FAM89A: variants seen among roughly 807,000 people sequenced by gnomAD.
The protein encoded by FAM89A is protein FAM89A.
FAM89A carries 10 observed loss-of-function variants against 7.1 expected under a neutral mutation model. The ratio of observed to expected loss-of-function variants is 1.40; its 90% confidence interval spans 0.86 to 2.38. The LOEUF is 2.38. Among genes scored for constraint, FAM89A ranks in the 30% most tolerant of loss-of-function variants. FAM89A has a pLI of 0.00. For synonymous variants in FAM89A, 157 were observed against 129.3 expected (o/e 1.21, Z -1.45); for missense variants, 276 against 262.8 (o/e 1.05, Z -0.35).
At chr1:231,020,765 T>C (rs565212219) in intron 1 of FAM89A, among the ~76,000 whole-genome samples, 22 of 152,262 alleles carry the variant, frequency 1.4e-4, no homozygotes, top group Admixed American at 6.5e-4. Flanking sequence ...CCCTGGAAGA[T>C]GAAGGGCTCT....
At chr1:231,029,437 C>T (rs185009829) in intron 1 of FAM89A, among the ~76,000 whole-genome samples, 224 of 151,850 alleles carry the variant, frequency 1.5e-3, no homozygotes, top group African/African-American at 5.2e-3. Context: ...GGCTGCAGTG[C>T]GCTGTGATCG....
chr1:231,032,584 T>G (rs115401964), intron 1 of FAM89A, among the ~76,000 whole-genome samples: 1,977 of 151,596 alleles, frequency 0.013, 24 homozygotes, highest in African/African-American at 0.036. Flanking sequence ...ATTTGGATAT[T>G]TTATATCCAA....
In FAM89A at chr1:231,022,157, A is replaced by T; in HGVS notation, c.292-2031T>A. On this transcript the variant is annotated intron_variant, in intron 1 of 1. Coordinates refer to ENST00000366654, the MANE Select transcript of FAM89A (RefSeq NM_198552.3). ...AACTTGTAGGAAAAAGATCAACCAC[A>T]AACAGTACCACTCCATTCATATATG... 10 of 1,105,570 alleles carry T rather than the reference A, an allele frequency of 9.0e-6. No homozygotes were observed. The South Asian group carries it at 1.2e-4, about 14-fold the overall frequency. 68.5% of individuals were successfully genotyped at this position (1,105,570 alleles called of 1,614,324 possible). A position where few individuals can be genotyped will look rare whatever the true frequency, so the allele number is the denominator to read the frequency against.
chr1:231,023,082 C>G (rs115431236), intron 1 of FAM89A, among the ~76,000 whole-genome samples: 8,292 of 152,248 alleles, frequency 0.054, 258 homozygotes, highest in Middle Eastern at 0.1. Flanking sequence ...ATCTGCCCCC[C>G]GTGTAGATAC....
intron 1 of FAM89A, among the ~76,000 whole-genome samples, chr1:231,025,270 A>C (rs1423766168): frequency 6.6e-6 from 1 of 152,028 alleles, no homozygotes; most frequent in Non-Finnish European, 1.5e-5. Flanking sequence ...TTAGGAAGAG[A>C]CCTCAGCTGC....
At chr1:231,032,608 T>C (rs1199723207) in intron 1 of FAM89A, among the ~76,000 whole-genome samples, 1 of 127,834 alleles carries the variant, frequency 7.8e-6, no homozygotes, top group Non-Finnish European at 1.8e-5. Flanking sequence ...TAATTGCAAT[T>C]GAGAGTCCCA....
At chr1:231,038,442 G>A (rs915037337) in intron 1 of FAM89A, among the ~76,000 whole-genome samples, 1 of 152,200 alleles carries the variant, frequency 6.6e-6, no homozygotes, top group African/African-American at 2.4e-5. Flanking sequence ...GCTCAAGTAT[G>A]GAATTTAAAT....
At chr1:231,020,209 C>A (rs979582165) in intron 1 of FAM89A, 83 bp from the exon 2 acceptor site, 1 of 1,366,366 alleles carries the variant, frequency 7.3e-7, no homozygotes, top group Non-Finnish European at 9.8e-7. Context: ...CGGCGATCTG[C>A]GCCTGCCAGC....
chr1:231,037,196 A>G (rs897223866), intron 1 of FAM89A, among the ~76,000 whole-genome samples: 2 of 152,196 alleles, frequency 1.3e-5, no homozygotes, highest in Admixed American at 1.3e-4. Context: ...TCAGCATCCA[A>G]TTCTTTAATA....
Position 231,019,917 on chromosome 1 carries a change from C to G in FAM89A, c.501G>C (p.Leu167Phe). 6.2e-7 allele frequency: 1 copy of G among 1,614,210 alleles called. No homozygotes were observed. The highest frequency in any genetic ancestry group is 8.5e-7 in the Non-Finnish European group (1 of 1,180,046). The stretch of plus-strand genomic sequence containing the variant: ...TGGAGAGGGAGGAGACAGGCAGTGA[C>G]AAGTCCCGAGGAGGGCCTCGGTCCC... ...DRRDRGPPRD[L>F]SLPVSSLSSS... Residue 167 changes from leucine to phenylalanine, a missense_variant, in exon 2 of 2, where the codon TTG becomes TTC. By Grantham distance (22) the Leu-to-Phe change is conservative. Coordinates refer to ENST00000366654, the MANE Select transcript of FAM89A (RefSeq NM_198552.3).
At chr1:231,027,166 C>T (rs879653116) in intron 1 of FAM89A, among the ~76,000 whole-genome samples, 21 of 152,128 alleles carry the variant, frequency 1.4e-4, no homozygotes, top group South Asian at 4.1e-4. Context: ...CAGCCAGACA[C>T]GTGGCTCCAG....
rs1376630941 is a variant in FAM89A, at chr1:231,040,053, C to G, written c.159G>C (p.Leu53=). The part of the protein sequence containing the change: ...ASGGWRHLER[L]YAQKSRIQDE... ...CCTGGATGCGCGACTTCTGCGCGTA[C>G]AGCCGCTCCAGGTGCCGCCAGCCCC... Residue 53 remains leucine, a synonymous_variant, in exon 1 of 2, where the codon CTG becomes CTC. Transcript: ENST00000366654. The G allele has an allele frequency of 1.5e-5, 21 of 1,447,610 alleles. No homozygotes were observed. Among genetic ancestry groups the G allele is most frequent in the Non-Finnish European group, 1.9e-5 (21 of 1,102,970 alleles). 89.7% of individuals were successfully genotyped at this position (1,447,610 alleles called of 1,614,324 possible). A position where few individuals can be genotyped will look rare whatever the true frequency, so the allele number is the denominator to read the frequency against.
intron 1 of FAM89A, chr1:231,021,980 C>T: frequency 2.2e-6 from 3 of 1,333,954 alleles, no homozygotes; most frequent in Non-Finnish European, 2.2e-6. Flanking sequence ...CGCTATAGGC[C>T]TCAGGCCCTC....
At chr1:231,020,920 A>G (rs1679865124) in intron 1 of FAM89A, among the ~76,000 whole-genome samples, 1 of 152,240 alleles carries the variant, frequency 6.6e-6, no homozygotes, top group South Asian at 2.1e-4. Flanking sequence ...CAGTCAGAAC[A>G]GGAAATGCAT....
chr1:231,023,903 T>C (rs1018606334), intron 1 of FAM89A, among the ~76,000 whole-genome samples: 1 of 152,220 alleles, frequency 6.6e-6, no homozygotes, highest in African/African-American at 2.4e-5. Context: ...TAAAATATGG[T>C]AACACCCATT....
intron 1 of FAM89A, among the ~76,000 whole-genome samples, chr1:231,031,826 C>T (rs1232665862): frequency 1.3e-5 from 2 of 151,884 alleles, no homozygotes; most frequent in African/African-American, 2.4e-5. Flanking sequence ...AACAATTGTA[C>T]AGTATTCTAT....
rs907947135 is a variant in FAM89A, at chr1:231,040,200, G to T, written c.12C>A (p.Ala4=). MSG[A]RAAPGAAGNG... Reference sequence around the variant, plus strand: ...TGCCCGCGGCCCCGGGCGCCGCCCGGGCCCCACTCATCGCGCCGCGGCCCG... The same window carrying T: ...TGCCCGCGGCCCCGGGCGCCGCCCGTGCCCCACTCATCGCGCCGCGGCCCG... The change falls in exon 1 of 2, where the codon GCC becomes GCA. Residue 4 remains alanine, a synonymous_variant. Transcript: ENST00000366654. The T allele has an allele frequency of 1.8e-6, 2 of 1,091,174 alleles. No individual in the cohort carries two copies. Among genetic ancestry groups the T allele is most frequent in the African/African-American group, 1.7e-5 (1 of 59,194 alleles). 67.6% of individuals were successfully genotyped at this position (1,091,174 alleles called of 1,614,324 possible).
rs930128126 is a variant in FAM89A at position 231,024,816 on chromosome 1, G to C, written c.292-4690C>G. On this transcript the variant is annotated intron_variant, in intron 1 of 1. Coordinates refer to ENST00000366654, the MANE Select transcript of FAM89A (RefSeq NM_198552.3). ...GCCTCCCAAAGTGCTGGTATTACAG[G>C]TGTGAGCCACTGTGCCCAGCCTACA... Among the ~76,000 whole-genome samples, 10 of 151,756 alleles carry C rather than the reference G, an allele frequency of 6.6e-5. 1 individual carries two copies. Among genetic ancestry groups the C allele is most frequent in the Non-Finnish European group, 1.3e-4 (9 of 67,962 alleles).
intron 1 of FAM89A, among the ~76,000 whole-genome samples, chr1:231,025,666 T>G (rs754031762): frequency 6.6e-6 from 1 of 151,652 alleles, no homozygotes; most frequent in Non-Finnish European, 1.5e-5. Context: ...ATATCTGGCA[T>G]TTGTGTTTTA....
Sources: gnomAD v4.1 joint callset for allele counts (sites outside exome capture counted in the v4.1 genomes callset) on GRCh38, gnomAD v4.1.1 for gene constraint, MANE v1.5 for transcripts, NCBI Gene and HGNC (gene_info 2026-07-23, HGNC 2026-07-21) for gene names.